FURIN: variants seen among roughly 807,000 people sequenced by gnomAD.
The protein encoded by FURIN is furin, paired basic amino acid cleaving enzyme.
In FURIN, 18 loss-of-function variants were observed where a neutral mutation model predicts 89.2. That is an observed-to-expected ratio of 0.20 (90% confidence interval 0.14 to 0.30). The LOEUF is 0.30. FURIN is among the 10% of genes least tolerant of loss of function. FURIN has a pLI of 1.00. For missense variants in FURIN, 879 were observed against 1,100.5 expected (o/e 0.80, Z 2.85); for synonymous variants, 508 against 466.4 (o/e 1.09, Z -1.15).
Position 90,878,972 on chromosome 15 carries a change from A to G in FURIN, c.1049A>G (p.Gln350Arg), listed in dbSNP as rs1217681046. 4 of 1,516,872 alleles carry G rather than the reference A, an allele frequency of 2.6e-6. No individual in the cohort carries two copies. The highest frequency in any genetic ancestry group is 2.7e-6 in the Non-Finnish European group (3 of 1,103,786). 94.0% of individuals were successfully genotyped at this position (1,516,872 alleles called of 1,614,324 possible). Residue 350 changes from glutamine to arginine, a missense_variant, in exon 9 of 16, where the codon CAG (glutamine) becomes CGG (arginine). Transcript: ENST00000268171. ...AGCAGTGGCAACCAGAATGAGAAGC[A>G]GATCGTGAGTCTTACCTGGGGGTGG... ...TYSSGNQNEK[Q>R]IVTTDLRQKC... is the part of the protein sequence containing the mutation.
chr15:90,868,975 G>A (rs1274704062), intron 1 of FURIN, among the ~76,000 whole-genome samples: 1 of 152,190 alleles, frequency 6.6e-6, no homozygotes, highest in Non-Finnish European at 1.5e-5. Context: ...AGGTGGACCA[G>A]AGATTTCAGA....
In FURIN at chr15:90,881,316, A is replaced by G. The variant is rs763314424; in HGVS notation, c.1823A>G (p.Lys608Arg). The G allele has an allele frequency of 6.2e-7, 1 of 1,607,658 alleles. No homozygotes were observed. Among genetic ancestry groups the G allele is most frequent in the South Asian group, 1.1e-5 (1 of 90,966 alleles). Residue 608 changes from lysine (K) to arginine (R), a missense_variant, in exon 16 of 16, where the codon AAG becomes AGG. Physicochemically the swap from Lys to Arg is conservative, Grantham distance 26 (BLOSUM62 2). Coordinates refer to ENST00000268171, the MANE Select transcript of FURIN (RefSeq NM_002569.4). This position sits in a 1 kb window ranked among gnomAD's most constrained non-coding sequence, Gnocchi z 4.3. ...GAGGAAGGCTTCTCCCTGCACCAGA[A>G]GAGCTGTGTCCAGCACTGCCCTCCA... ...VCEEGFSLHQ[K>R]SCVQHCPPGF...
At position 90,880,259 on chromosome 15, in the gene FURIN, C is replaced by T; in HGVS notation, c.1542C>T (p.Thr514=). 6.2e-7 allele frequency: 1 copy of T among 1,605,506 alleles called. No individual in the cohort carries two copies. Among genetic ancestry groups the T allele is most frequent in the Non-Finnish European group, 8.5e-7 (1 of 1,175,418 alleles). The change falls in exon 13 of 16, where the codon ACC becomes ACT. Residue 514 remains threonine (T), a synonymous_variant. Transcript: ENST00000268171. ...TCAGCCCCATGGGCACCCGCTCCAC[C>T]CTGCTGGCAGCCAGGTGCTTGCTCT... ...HLVSPMGTRS[T]LLAARPHDYS...
Sources: allele counts gnomAD v4.1 joint callset (sites outside exome capture counted in the v4.1 genomes callset), GRCh38; gene constraint gnomAD v4.1.1; non-coding constraint Gnocchi (gnomAD v3.1); transcripts MANE v1.5; gene names NCBI Gene and HGNC (gene_info 2026-07-23, HGNC 2026-07-21).